IGF1R: variants seen among roughly 807,000 people sequenced by gnomAD.
The protein encoded by IGF1R is insulin like growth factor 1 receptor, also known as insulin-like growth factor 1 receptor.
Under a neutral mutation model 144.6 loss-of-function variants are expected in IGF1R, and 44 were observed. The observed-to-expected ratio is 0.30, with a 90% confidence interval of 0.24 to 0.39. IGF1R has a LOEUF of 0.39. Ranked by LOEUF, IGF1R falls within the 10% of genes least tolerant of loss-of-function variation. IGF1R has a pLI of 1.00. For missense variants in IGF1R, 1,355 were observed against 1,833.7 expected, an observed-to-expected ratio of 0.74 and a Z score of 4.77; for synonymous variants, 795 against 722.8, an observed-to-expected ratio of 1.10 and a Z score of -1.60.
chr15:98,774,646 A>G (rs547147288), intron 2 of IGF1R, among the ~76,000 whole-genome samples: 1 of 127,176 alleles, frequency 7.9e-6, no homozygotes, highest in African/African-American at 3.0e-5. Context: ...TCCCTGGAGT[A>G]GTCGCATTCA....
At chr15:98,798,928 C>T (rs2056305008) in intron 2 of IGF1R, among the ~76,000 whole-genome samples, 1 of 152,118 alleles carries the variant, frequency 6.6e-6, no homozygotes, top group East Asian at 1.9e-4. Context: ...GCTATTAGAG[C>T]CATGTTATAA....
chr15:98,819,008 GC>G (rs1239444103), intron 2 of IGF1R, among the ~76,000 whole-genome samples: 1 of 152,174 alleles, frequency 6.6e-6, no homozygotes, highest in Non-Finnish European at 1.5e-5. Context: ...TTCCTGAGCT[GC>G]AAAGGAGTGG....
intron 2 of IGF1R, among the ~76,000 whole-genome samples, chr15:98,884,703 AAG>A (rs1555456732): frequency 2.0e-5 from 3 of 150,642 alleles, no homozygotes; most frequent in South Asian, 2.1e-4. Context: ...AAAAAAAAAA[AAG>A]AAATTCTGTA....
intron 2 of IGF1R, among the ~76,000 whole-genome samples, chr15:98,851,379 G>T (rs189850708): frequency 1.1e-3 from 161 of 152,318 alleles, no homozygotes; most frequent in African/African-American, 3.6e-3. Context: ...AGCTTGGACA[G>T]TCTGGCTGTC....
chr15:98,752,859 A>C (rs759139435), intron 2 of IGF1R, among the ~76,000 whole-genome samples: 7 of 152,144 alleles, frequency 4.6e-5, no homozygotes, highest in Non-Finnish European at 8.8e-5. Context: ...ATATTGCAGA[A>C]GGAAAACCTA....
At chr15:98,931,239 CA>C (rs1274144694) in intron 15 of IGF1R, among the ~76,000 whole-genome samples, 1 of 152,048 alleles carries the variant, frequency 6.6e-6, no homozygotes, top group Non-Finnish European at 1.5e-5. Flanking sequence ...CCGGATTCAT[CA>C]AATGAATAAT....
At chr15:98,883,501 A>G (rs535163355) in intron 2 of IGF1R, among the ~76,000 whole-genome samples, 1 of 152,362 alleles carries the variant, frequency 6.6e-6, no homozygotes, top group South Asian at 2.1e-4. Flanking sequence ...GCCAAGCTGT[A>G]ATACGGTGGC....
At chr15:98,722,833 C>G (rs1432766639) in intron 2 of IGF1R, among the ~76,000 whole-genome samples, 1 of 152,120 alleles carries the variant, frequency 6.6e-6, no homozygotes, top group Admixed American at 6.5e-5. Context: ...AGAGCAGGCA[C>G]TGAGTGCCCC....
At chr15:98,768,292 T>C (rs923199383) in intron 2 of IGF1R, among the ~76,000 whole-genome samples, 1 of 152,142 alleles carries the variant, frequency 6.6e-6, no homozygotes, top group Admixed American at 6.5e-5. Context: ...CACTTTGGCA[T>C]TGTGCAAGAG....
At chr15:98,758,806 G>A (rs2055221939) in intron 2 of IGF1R, among the ~76,000 whole-genome samples, 1 of 152,232 alleles carries the variant, frequency 6.6e-6, no homozygotes, top group African/African-American at 2.4e-5. Context: ...AGAGGGGACT[G>A]TGAGGGAGGC....
chr15:98,693,608 G>T lies in IGF1R; in HGVS notation c.95-13954G>T, dbSNP rs984032228. 3.9e-5 allele frequency among the ~76,000 whole-genome samples: 6 copies of T among 152,204 alleles called. No homozygotes were observed. In the East Asian group the frequency reaches 1.2e-3, roughly 29 times the overall value. ...TTGTTCCCTGATCGAATGACCTCCTGTTTTGTTTGTTTTTTGAGACGGAGT... is the reference window on the plus strand; with the variant it reads ...TTGTTCCCTGATCGAATGACCTCCTTTTTTGTTTGTTTTTTGAGACGGAGT... On this transcript the variant is annotated intron_variant, in intron 1 of 20. Coordinates refer to ENST00000650285, the MANE Select transcript of IGF1R (RefSeq NM_000875.5).
intron 2 of IGF1R, among the ~76,000 whole-genome samples, chr15:98,807,898 C>A (rs1257980727): frequency 6.6e-6 from 1 of 152,230 alleles, no homozygotes; most frequent in Non-Finnish European, 1.5e-5. Flanking sequence ...CTTCTGAAAT[C>A]ATTTTGGTGA....
chr15:98,885,816 ATTTTT>A (rs3073979), intron 2 of IGF1R, among the ~76,000 whole-genome samples: 1 of 137,710 alleles, frequency 7.3e-6, no homozygotes, highest in African/African-American at 2.7e-5. Context: ...TGAGTCTCCT[ATTTTT>A]TTTTTTTTTT....
chr15:98,849,916 TG>T (rs1260726123), intron 2 of IGF1R, among the ~76,000 whole-genome samples: 1 of 152,206 alleles, frequency 6.6e-6, no homozygotes, highest in Non-Finnish European at 1.5e-5. Flanking sequence ...ACACACTCTT[TG>T]GAAAACAACC....
At chr15:98,706,026 G>A (rs1473786339) in intron 1 of IGF1R, among the ~76,000 whole-genome samples, 3 of 152,238 alleles carry the variant, frequency 2.0e-5, no homozygotes, top group Non-Finnish European at 2.9e-5. Context: ...GAGCCGGCCT[G>A]TGTGCAGAGC....
In IGF1R at chr15:98,916,017, A is replaced by C; in HGVS notation, c.1882A>C (p.Ile628Leu). ...LSASNSSSQL[I>L]VKWNPPSLPN... Reference sequence around the variant, plus strand: ...AGCATCGAACTCCTCTTCTCAGTTAATCGTGAAGTGGAACCCTCCCTCTCT... The same window carrying C: ...AGCATCGAACTCCTCTTCTCAGTTACTCGTGAAGTGGAACCCTCCCTCTCT... The change falls in exon 9 of 21, where the codon ATC becomes CTC. Residue 628 changes from isoleucine (I) to leucine (L), a missense_variant. Transcript: ENST00000650285. The C allele has an allele frequency of 6.2e-7, 1 of 1,614,056 alleles. No individual in the cohort carries two copies. Among genetic ancestry groups the C allele is most frequent in the Non-Finnish European group, 8.5e-7 (1 of 1,179,976 alleles).
At chr15:98,921,510 T>TG (rs2015485212) in intron 10 of IGF1R, among the ~76,000 whole-genome samples, 1 of 152,200 alleles carries the variant, frequency 6.6e-6, no homozygotes, top group Middle Eastern at 3.4e-3. Flanking sequence ...GGAGGAAGCC[T>TG]GGGTGGGCTC....
At chr15:98,758,707 T>G (rs1476650547) in intron 2 of IGF1R, among the ~76,000 whole-genome samples, 2 of 152,210 alleles carry the variant, frequency 1.3e-5, no homozygotes, top group East Asian at 3.9e-4. Context: ...TTTTGGAGAT[T>G]TGGGAGATCC....
intron 2 of IGF1R, among the ~76,000 whole-genome samples, chr15:98,889,682 A>G (rs6650547): frequency 0.022 from 3,278 of 152,302 alleles, 109 homozygotes; most frequent in African/African-American, 0.074. Context: ...AGAAAGGACC[A>G]GGGAAGGTCT....
Sources: allele counts gnomAD v4.1 joint callset (sites outside exome capture counted in the v4.1 genomes callset), GRCh38; gene constraint gnomAD v4.1.1; transcripts MANE v1.5; gene names NCBI Gene and HGNC (gene_info 2026-07-23, HGNC 2026-07-21).